Variants in ANKRD13C observed in about 807,000 individuals in gnomAD.
ANKRD13C encodes ankyrin repeat domain-containing protein 13C.
In ANKRD13C, 16 loss-of-function variants were observed where a neutral mutation model predicts 65.5. The observed-to-expected ratio is 0.24, with a 90% CI of 0.17 to 0.37. The LOEUF (loss-of-function observed/expected upper bound fraction) is 0.37, where lower values mean the gene tolerates loss of function less well. Ranked by LOEUF, ANKRD13C falls within the 10% of genes least tolerant of loss-of-function variation. The pLI is 1.00. For missense variants in ANKRD13C, 503 were observed against 655.9 expected, an observed-to-expected ratio of 0.77 and a Z score of 2.55; for synonymous variants, 235 against 238.7, an observed-to-expected ratio of 0.98 and a Z score of 0.14.
At chr1:70,342,298 A>G (rs1042778009) in intron 1 of ANKRD13C, among the ~76,000 whole-genome samples, 2 of 152,092 alleles carry the variant, frequency 1.3e-5, no homozygotes, top group African/African-American at 2.4e-5. Context: ...CCAGCACTTT[A>G]GGAGGCAGAA....
intron 3 of ANKRD13C, among the ~76,000 whole-genome samples, chr1:70,324,183 T>C (rs1681435712): frequency 1.3e-5 from 2 of 152,176 alleles, no homozygotes; most frequent in African/African-American, 4.8e-5. Context: ...TAATTGATCA[T>C]TTTCAGCCTA....
At chr1:70,330,413 C>T (rs1281701804) in intron 2 of ANKRD13C, among the ~76,000 whole-genome samples, 1 of 151,662 alleles carries the variant, frequency 6.6e-6, no homozygotes, top group Non-Finnish European at 1.5e-5. Context: ...AAAAACTTAG[C>T]TGGACGTGGT....
Position 70,336,080 on chromosome 1 carries a change from A to T in ANKRD13C, c.450T>A (p.Leu150=). The T allele has an allele frequency of 1.2e-6, 1 of 801,352 alleles. No homozygotes were observed. The highest frequency in any genetic ancestry group is 1.7e-6 in the Non-Finnish European group (1 of 577,082). The allele number at this position is 801,352 out of a possible 1,614,324, so 49.6% of individuals were successfully genotyped here. ...AACCTTTATTTCCTAACATCACAGC[A>T]AGGTGTAAAGGAGTATTTCCTAAAA... The part of the protein sequence containing the change: ...KDNHGNTPLH[L]AVMLGNKECA... Residue 150 remains leucine, a synonymous_variant, in exon 2 of 13, where the codon CTT becomes CTA. Transcript: ENST00000370944.
chr1:70,289,448 A>G (rs913890500), intron 9 of ANKRD13C, among the ~76,000 whole-genome samples: 1 of 151,960 alleles, frequency 6.6e-6, no homozygotes, highest in African/African-American at 2.4e-5. Context: ...ACTTATCCCA[A>G]ATTAGTTTGT....
chr1:70,266,806 G>A (rs1254966755), intron 12 of ANKRD13C, among the ~76,000 whole-genome samples: 2 of 152,020 alleles, frequency 1.3e-5, no homozygotes, highest in Admixed American at 6.6e-5. Context: ...GAACACACTC[G>A]GTATGATTTT....
At chr1:70,351,162 CA>C in intron 1 of ANKRD13C, among the ~76,000 whole-genome samples, 1 of 152,156 alleles carries the variant, frequency 6.6e-6, no homozygotes, top group Non-Finnish European at 1.5e-5. Flanking sequence ...TTAAATGTTA[CA>C]ATGTATGTAA....
At chr1:70,292,938 A>G (rs1338964106) in intron 8 of ANKRD13C, among the ~76,000 whole-genome samples, 1 of 152,210 alleles carries the variant, frequency 6.6e-6, no homozygotes, top group Non-Finnish European at 1.5e-5. Flanking sequence ...GGTCAGGGAT[A>G]ACACTGTTCC....
intron 11 of ANKRD13C, among the ~76,000 whole-genome samples, chr1:70,272,499 T>G (rs952918638): frequency 4.6e-5 from 7 of 152,038 alleles, no homozygotes; most frequent in Non-Finnish European, 1.0e-4. Flanking sequence ...GGATAACAGG[T>G]GTGCACCACC....
chr1:70,278,389 A>G (rs914859624), intron 9 of ANKRD13C, among the ~76,000 whole-genome samples: 16 of 151,590 alleles, frequency 1.1e-4, no homozygotes, highest in Non-Finnish European at 5.9e-5. Flanking sequence ...GCCACTCAGG[A>G]AGCTGAGGCA....
intron 1 of ANKRD13C, among the ~76,000 whole-genome samples, chr1:70,337,111 C>A (rs1477022277): frequency 6.6e-6 from 1 of 151,316 alleles, no homozygotes; most frequent in Non-Finnish European, 1.5e-5. Context: ...TGATAAATTC[C>A]AGTCTCAGCT....
chr1:70,310,061 GGTATTTCTGACTCCAATTCA>G (rs1442464595), intron 5 of ANKRD13C, among the ~76,000 whole-genome samples: 2 of 152,064 alleles, frequency 1.3e-5, no homozygotes, highest in Non-Finnish European at 2.9e-5. Context: ...CTTAGGGGTC[GGTATTTCTGACTCCAATTCA>G]AAGCTTTTCT....
Position 70,306,301 on chromosome 1 carries a change from A to C in ANKRD13C, c.710-11T>G. On this transcript the variant is annotated splice_polypyrimidine_tract_variant and intron_variant, in intron 5 of 12. Coordinates refer to ENST00000370944, the MANE Select transcript of ANKRD13C (RefSeq NM_030816.5). ...GGGAAAGTAAAGGCACTGTATTTTT[A>C]AAAACAAAAGGTAAAAAATAACTAC... 13 of 1,522,238 alleles carry C rather than the reference A, an allele frequency of 8.5e-6. No individual in the cohort carries two copies. Among genetic ancestry groups the C allele is most frequent in the Non-Finnish European group, 1.2e-5 (13 of 1,130,108 alleles). 94.3% of individuals were successfully genotyped at this position (1,522,238 alleles called of 1,614,324 possible).
intron 12 of ANKRD13C, among the ~76,000 whole-genome samples, chr1:70,268,864 A>C (rs1444408640): frequency 6.6e-6 from 1 of 151,496 alleles, no homozygotes; most frequent in Non-Finnish European, 1.5e-5. Flanking sequence ...AATTTCCAAA[A>C]TTTTTTTTTG....
chr1:70,342,725 C>G (rs1682365103), intron 1 of ANKRD13C, among the ~76,000 whole-genome samples: 1 of 96,722 alleles, frequency 1.0e-5, no homozygotes, highest in Non-Finnish European at 2.4e-5. Context: ...AAGAAAGAAA[C>G]ACACACACAC....
At chr1:70,353,353 A>G (rs1682833341) in intron 1 of ANKRD13C, among the ~76,000 whole-genome samples, 1 of 152,222 alleles carries the variant, frequency 6.6e-6, no homozygotes, top group African/African-American at 2.4e-5. Flanking sequence ...TATCTACTTA[A>G]AACAAGCAAA....
At chr1:70,350,612 G>A (rs952102852) in intron 1 of ANKRD13C, among the ~76,000 whole-genome samples, 2 of 152,020 alleles carry the variant, frequency 1.3e-5, no homozygotes, top group Non-Finnish European at 2.9e-5. Context: ...ACTCTTGTAC[G>A]GAACAAATGA....
intron 1 of ANKRD13C, among the ~76,000 whole-genome samples, chr1:70,352,662 C>T (rs1682797982): frequency 6.6e-6 from 1 of 152,156 alleles, no homozygotes; most frequent in Non-Finnish European, 1.5e-5. Flanking sequence ...GAAGCTACAA[C>T]CCATCTCCCA....
chr1:70,348,412 C>T (rs769072357), intron 1 of ANKRD13C, among the ~76,000 whole-genome samples: 11 of 152,032 alleles, frequency 7.2e-5, no homozygotes, highest in Non-Finnish European at 1.0e-4. Context: ...ATTACAGGTG[C>T]GCGCGACCAT....
At chr1:70,311,088 A>G (rs1680828155) in intron 5 of ANKRD13C, among the ~76,000 whole-genome samples, 1 of 152,220 alleles carries the variant, frequency 6.6e-6, no homozygotes, top group Admixed American at 6.5e-5. Context: ...CTATACAAGG[A>G]TTAAACACAC....
Sources: gnomAD v4.1 joint callset for allele counts (sites outside exome capture counted in the v4.1 genomes callset) on GRCh38, gnomAD v4.1.1 for gene constraint, MANE v1.5 for transcripts, NCBI Gene and HGNC (gene_info 2026-07-23, HGNC 2026-07-21) for gene names.